Variants in RCOR1 observed in about 807,000 individuals in gnomAD.
The protein encoded by RCOR1 is REST corepressor.
In RCOR1, 12 loss-of-function variants were observed where a neutral mutation model predicts 64.0. The ratio of observed to expected loss-of-function variants is 0.19; its 90% CI spans 0.12 to 0.30. RCOR1 has a LOEUF of 0.30. Ranked by LOEUF, RCOR1 falls within the 10% of genes least tolerant of loss-of-function variation. The pLI is 1.00. For synonymous variants in RCOR1, 279 were observed against 227.2 expected (o/e 1.23, Z -2.05); for missense variants, 502 against 621.2 (o/e 0.81, Z 2.04).
intron 2 of RCOR1, among the ~76,000 whole-genome samples, chr14:102,623,785 G>A (rs965820809): frequency 2.0e-5 from 3 of 151,610 alleles, no homozygotes; most frequent in Non-Finnish European, 2.9e-5. Context: ...AGCTGGGTGC[G>A]GTGGCTCACG....
chr14:102,630,525 A>G (rs1047767302), intron 2 of RCOR1, among the ~76,000 whole-genome samples: 1 of 152,316 alleles, frequency 6.6e-6, no homozygotes, highest in South Asian at 2.1e-4. Context: ...CAACTGTTCA[A>G]AGGTAAGAAT....
chr14:102,717,408 C>A (rs559396300), intron 8 of RCOR1, among the ~76,000 whole-genome samples: 4 of 152,360 alleles, frequency 2.6e-5, no homozygotes, highest in Non-Finnish European at 4.4e-5. Context: ...AGGACCCAAG[C>A]ACACTCTGTG....
At chr14:102,684,347 C>G (rs892948783) in intron 3 of RCOR1, among the ~76,000 whole-genome samples, 3 of 152,044 alleles carry the variant, frequency 2.0e-5, no homozygotes, top group Non-Finnish European at 4.4e-5. Flanking sequence ...TCAGGGAAAT[C>G]GAGTTGTTAG....
chr14:102,698,690 G>T (rs1281852600), intron 3 of RCOR1, among the ~76,000 whole-genome samples: 1 of 152,054 alleles, frequency 6.6e-6, no homozygotes, highest in Admixed American at 6.5e-5. Flanking sequence ...TAATCAGCTG[G>T]CCTGCTGTCT....
chr14:102,673,843 G>A (rs944772872), intron 2 of RCOR1, among the ~76,000 whole-genome samples: 8 of 150,298 alleles, frequency 5.3e-5, no homozygotes, highest in Non-Finnish European at 1.2e-4. Context: ...TCGAACTCCC[G>A]ACTTCAGGTG....
intron 2 of RCOR1, among the ~76,000 whole-genome samples, chr14:102,669,309 GA>G (rs11407477): frequency 1.2e-3 from 157 of 132,194 alleles, no homozygotes; most frequent in Admixed American, 1.3e-3. Context: ...AACTCGGTCT[GA>G]AAAAAAAAAA....
At chr14:102,715,864 T>G (rs1244434491) in intron 8 of RCOR1, among the ~76,000 whole-genome samples, 1 of 152,226 alleles carries the variant, frequency 6.6e-6, no homozygotes, top group Non-Finnish European at 1.5e-5. Flanking sequence ...GTTTCCCAGC[T>G]GTAGCACTAT....
At chr14:102,686,438 A>G (rs1268839298) in intron 3 of RCOR1, among the ~76,000 whole-genome samples, 3 of 152,204 alleles carry the variant, frequency 2.0e-5, no homozygotes, top group Non-Finnish European at 2.9e-5. Flanking sequence ...AGCAGCCTAC[A>G]GTGACACATT....
intron 2 of RCOR1, chr14:102,658,477 C>T (rs1378927222): frequency 7.2e-6 from 7 of 971,276 alleles, no homozygotes; most frequent in Non-Finnish European, 8.6e-6. Flanking sequence ...GAGAGTGAGA[C>T]TCTGAAAAAA....
intron 2 of RCOR1, among the ~76,000 whole-genome samples, chr14:102,604,604 G>A (rs999351858): frequency 3.8e-4 from 58 of 152,144 alleles, no homozygotes; most frequent in African/African-American, 1.3e-3. Context: ...ATAACTTGCC[G>A]TGGTAATCCA....
chr14:102,641,031 A>C (rs193254979), intron 2 of RCOR1, among the ~76,000 whole-genome samples: 15 of 152,296 alleles, frequency 9.8e-5, no homozygotes, highest in Admixed American at 2.0e-4. Flanking sequence ...AGGCAGGTGG[A>C]TCACGAGGTC....
chr14:102,597,227 G>A (rs1893273006), intron 2 of RCOR1, among the ~76,000 whole-genome samples: 1 of 152,072 alleles, frequency 6.6e-6, no homozygotes, highest in Non-Finnish European at 1.5e-5. Context: ...AATTTGAACA[G>A]AGAGGTGGAC....
At position 102,630,648 on chromosome 14, in the gene RCOR1, C is replaced by T. The variant is rs545652260; in HGVS notation, c.361+37323C>T. On this transcript the variant is annotated intron_variant, in intron 2 of 11. Coordinates refer to ENST00000262241, the MANE Select transcript of RCOR1 (RefSeq NM_015156.4). ...TAGTTTCCTGGATCTGAAGGTAATA[C>T]CTCATCCAGAAGATAAGAAGGGTAG... Among the ~76,000 whole-genome samples, 22 of 152,258 alleles carry T rather than the reference C, an allele frequency of 1.4e-4. 1 individual carries two copies. The South Asian group carries it at 4.6e-3, about 32-fold the overall frequency.
At chr14:102,707,899 C>A (rs1401636805) in intron 5 of RCOR1, among the ~76,000 whole-genome samples, 2 of 152,068 alleles carry the variant, frequency 1.3e-5, no homozygotes, top group Non-Finnish European at 2.9e-5. Flanking sequence ...AGCGATTCTC[C>A]TGCCTCAGCC....
rs559582145 is a variant in RCOR1, at chr14:102,722,336, G to A, written c.1339G>A (p.Glu447Lys). The A allele has an allele frequency of 6.9e-5, 112 of 1,614,146 alleles. 3 individuals are homozygous for A. The South Asian group carries it at 1.2e-3, about 17-fold the overall frequency. ...AGAATGGGAGGCAGAACATGGTAAA[G>A]AAGAGACCAATGGGCCCAGTAACCA... ...LQEWEAEHGK[E>K]ETNGPSNQKP... The change falls in exon 11 of 12, where the codon GAA becomes AAA. Residue 447 changes from glutamate (E) to lysine (K), a missense_variant. Physicochemically the swap from Glu to Lys is moderately conservative, Grantham distance 56 (BLOSUM62 1). Around this residue, in one of 2 missense-constraint regions of RCOR1, gnomAD observed 260 missense variants for 416.4 expected, o/e 0.62. Coordinates refer to ENST00000262241, the MANE Select transcript of RCOR1 (RefSeq NM_015156.4).
At chr14:102,698,877 G>T (rs1236062370) in intron 3 of RCOR1, among the ~76,000 whole-genome samples, 2 of 151,490 alleles carry the variant, frequency 1.3e-5, no homozygotes, top group African/African-American at 4.8e-5. Context: ...CTAATGTATT[G>T]TGAAGGAAAA....
chr14:102,684,038 C>T (rs879390517), intron 3 of RCOR1, among the ~76,000 whole-genome samples: 3 of 152,236 alleles, frequency 2.0e-5, no homozygotes, highest in Non-Finnish European at 4.4e-5. Context: ...TGCCTCTTTC[C>T]TGGCCATAGT....
In RCOR1 at chr14:102,729,998, A is replaced by G. The variant is rs903275783; in HGVS notation, c.*3492A>G. ...GGTCCTGTGCGATGCTCTTTCTGCCAGTCCCTGAATCTCTGCAGCTTCTCT... is the reference window on the plus strand; with the variant it reads ...GGTCCTGTGCGATGCTCTTTCTGCCGGTCCCTGAATCTCTGCAGCTTCTCT... On this transcript the variant is annotated 3_prime_UTR_variant, in exon 12 of 12. Transcript: ENST00000262241. 2 of 399,100 alleles carry G rather than the reference A, an allele frequency of 5.0e-6. No homozygotes were observed. Among genetic ancestry groups the G allele is most frequent in the Admixed American group, 4.4e-5 (1 of 22,738 alleles). 24.7% of individuals were successfully genotyped at this position (399,100 alleles called of 1,614,324 possible).
At chr14:102,642,780 G>A (rs1350884103) in intron 2 of RCOR1, among the ~76,000 whole-genome samples, 1 of 152,170 alleles carries the variant, frequency 6.6e-6, no homozygotes, top group Non-Finnish European at 1.5e-5. Flanking sequence ...AGGCTGTGGT[G>A]AGCTATGATC....
Sources: gnomAD v4.1 joint callset for allele counts (sites outside exome capture counted in the v4.1 genomes callset) on GRCh38, gnomAD v4.1.1 for gene constraint, gnomAD v4.1.1 regional missense constraint, MANE v1.5 for transcripts, NCBI Gene and HGNC (gene_info 2026-07-23, HGNC 2026-07-21) for gene names.